The following ABCA8 variants were observed in gnomAD, a reference collection of about 807,000 sequenced individuals.
ABCA8 encodes ABC-type organic anion transporter ABCA8.
Under a neutral mutation model 192.3 loss-of-function variants are expected in ABCA8, and 177 were observed. The ratio of observed to expected loss-of-function variants is 0.92; its 90% CI spans 0.81 to 1.04. The LOEUF (loss-of-function observed/expected upper bound fraction) is 1.04. ABCA8 is among the 50% of genes least tolerant of loss of function. The pLI is 0.00. For synonymous variants in ABCA8, 642 were observed against 690.2 expected, an observed-to-expected ratio of 0.93 and a Z score of 1.09; for missense variants, 1,915 against 1,904.8, an observed-to-expected ratio of 1.01 and a Z score of -0.10.
chr17:68,900,919 C>CATTT (rs2066893299), intron 21 of ABCA8, among the ~76,000 whole-genome samples: 1 of 152,102 alleles, frequency 6.6e-6, no homozygotes, highest in Non-Finnish European at 1.5e-5. Flanking sequence ...AGCCTTCTTG[C>CATTT]ATTTAGAAAC....
Position 68,894,813 on chromosome 17 carries a change from G to A in ABCA8, c.2898+67C>T, listed in dbSNP as rs952386447. 2.0e-5 allele frequency: 29 copies of A among 1,481,428 alleles called. No homozygotes were observed. The East Asian group carries it at 6.7e-4, about 34-fold the overall frequency. 91.8% of individuals were successfully genotyped at this position (1,481,428 alleles called of 1,614,324 possible). A position where few individuals can be genotyped will look rare whatever the true frequency, so the allele number is the denominator to read the frequency against. ...TTCATTTTTATTTCTTAAGTTGGAA[G>A]CCTGAGTATATTGATATTATGTTAG... On this transcript the variant is annotated intron_variant, in intron 22 of 39. Coordinates refer to ENST00000586539, the MANE Select transcript of ABCA8 (RefSeq NM_001288985.2).
intron 1 of ABCA8, among the ~76,000 whole-genome samples, chr17:68,951,911 A>G (rs967168330): frequency 7.9e-5 from 12 of 152,166 alleles, no homozygotes; most frequent in Admixed American, 1.3e-4. Context: ...TTTGTTTTGG[A>G]TGATCTCTCA....
At chr17:68,944,351 T>C (rs905281081) in intron 2 of ABCA8, among the ~76,000 whole-genome samples, 1 of 94,266 alleles carries the variant, frequency 1.1e-5, no homozygotes, top group African/African-American at 3.7e-5. Context: ...TATATATATA[T>C]ATATATATAC....
Position 68,891,577 on chromosome 17 carries a change from AT to A in ABCA8, c.3055del (p.Ile1019SerfsTer13), listed in dbSNP as rs750514406. The A allele has an allele frequency of 1.2e-6, 2 of 1,612,552 alleles. No individual in the cohort carries two copies. Among genetic ancestry groups the A allele is most frequent in the Non-Finnish European group, 1.7e-6 (2 of 1,179,534 alleles). On this transcript the variant is annotated frameshift_variant, in exon 24 of 40. Transcript: ENST00000586539. LOFTEE classifies it high-confidence loss of function. ...TFLENGQDNPIGFLAYIMFWL... is the reference protein window; with the variant it reads ...TFLENGQDNPXGFLAYIMFWL... ...GAACATGATATATGCCAGGAATCCG[AT>A]TGGATTGTCCTGTCCATTCTGAAAA...
intron 16 of ABCA8, among the ~76,000 whole-genome samples, chr17:68,917,823 C>G (rs1280977375): frequency 6.6e-6 from 1 of 152,166 alleles, no homozygotes; most frequent in Non-Finnish European, 1.5e-5. Context: ...AAGCGAGTTT[C>G]CTGGCAGATC....
At chr17:68,940,484 G>T (rs1372603403) in intron 4 of ABCA8, among the ~76,000 whole-genome samples, 1 of 152,014 alleles carries the variant, frequency 6.6e-6, no homozygotes, top group Admixed American at 6.6e-5. Context: ...ATAATTTCAT[G>T]CTTCCTCAAA....
chr17:68,924,778 A>T lies in ABCA8; in HGVS notation c.1365T>A (p.Asp455Glu). ...GAAATGAAGGATCGGCATCCATTTC[A>T]TCTTCAAGGGCCACGTGATCAGTCT... ...TQKTDHVALE[D>E]EMDADPSFHD... Residue 455 changes from aspartate to glutamate, a missense_variant, in exon 11 of 40, where the codon GAT becomes GAA. Asp to Glu is a conservative substitution (Grantham distance 45). Coordinates refer to ENST00000586539, the MANE Select transcript of ABCA8 (RefSeq NM_001288985.2). The T allele has an allele frequency of 6.2e-7, 1 of 1,614,150 alleles. No homozygotes were observed. Among genetic ancestry groups the T allele is most frequent in the African/African-American group, 1.3e-5 (1 of 75,060 alleles).
Position 68,877,646 on chromosome 17 carries a change from G to A in ABCA8, c.4072C>T (p.Leu1358=), listed in dbSNP as rs867608917. ...LLKGSGGGDA[L]EFLGYCPQEN... Reference sequence around the variant, plus strand: ...TGAGGGCAGTACCCCAGGAACTCCAGGGCATCCCCTCCACCGCTCCCTTTC... The same window carrying A: ...TGAGGGCAGTACCCCAGGAACTCCAAGGCATCCCCTCCACCGCTCCCTTTC... The change falls in exon 33 of 40, where the codon CTG becomes TTG. Residue 1358 remains leucine, a synonymous_variant. Coordinates refer to ENST00000586539, the MANE Select transcript of ABCA8 (RefSeq NM_001288985.2). The A allele has an allele frequency of 6.2e-7, 1 of 1,613,636 alleles. No homozygotes were observed. The highest frequency in any genetic ancestry group is 2.2e-5 in the East Asian group (1 of 44,864).
At chr17:68,873,347 A>C (rs569046349) in intron 37 of ABCA8, among the ~76,000 whole-genome samples, 1 of 152,230 alleles carries the variant, frequency 6.6e-6, no homozygotes, top group Non-Finnish European at 1.5e-5. Context: ...AGGTTTGTGT[A>C]AATTCACTCA....
Position 68,936,747 on chromosome 17 carries a change from G to A in ABCA8, c.466+204C>T, listed in dbSNP as rs184444153. Among the ~76,000 whole-genome samples the A allele has an allele frequency of 3.3e-3, 509 of 152,004 alleles. 2 individuals carry two copies. The highest frequency in any genetic ancestry group is 4.2e-3 in the Non-Finnish European group (285 of 67,888). ...TATATAAATATATATCTATGTAAAT[G>A]TATGTAGATAACTATATATAATGAC... On this transcript the variant is annotated intron_variant, in intron 5 of 39. Transcript: ENST00000586539.
In ABCA8 at chr17:68,914,361, G is replaced by C. The variant is rs528455494; in HGVS notation, c.2138+3000C>G. 3.3e-5 allele frequency among the ~76,000 whole-genome samples: 5 copies of C among 152,180 alleles called. No individual in the cohort carries two copies. The East Asian group carries it at 9.6e-4, about 29-fold the overall frequency. On this transcript the variant is annotated intron_variant, in intron 17 of 39. Coordinates refer to ENST00000586539, the MANE Select transcript of ABCA8 (RefSeq NM_001288985.2). ...GAAAGGAAGAAATAAAATCATCCTT[G>C]TGGGCAAATGATATGATCTTATATT...
Position 68,918,043 on chromosome 17 carries a change from T to C in ABCA8, c.2047+4A>G. On this transcript the variant is annotated splice_donor_region_variant and intron_variant, in intron 16 of 39. Coordinates refer to ENST00000586539, the MANE Select transcript of ABCA8 (RefSeq NM_001288985.2). ...CAGGATACTTAACAGAAACCAGTGA[T>C]TACCCGCCAGGATGTCGGCCTCATC... is the stretch of plus-strand genomic sequence containing the variant. 1 of 1,613,984 alleles carries C rather than the reference T, an allele frequency of 6.2e-7. No individual in the cohort carries two copies. Among genetic ancestry groups the C allele is most frequent in the Non-Finnish European group, 8.5e-7 (1 of 1,179,980 alleles).
intron 21 of ABCA8, among the ~76,000 whole-genome samples, chr17:68,896,112 ACT>A (rs1196842127): frequency 2.1e-5 from 3 of 142,204 alleles, no homozygotes; most frequent in Non-Finnish European, 1.5e-5. Flanking sequence ...ATGTGCTGAA[ACT>A]CTCCCTAAAT....
intron 37 of ABCA8, among the ~76,000 whole-genome samples, 183 bp downstream of exon 37, chr17:68,875,077 T>G (rs1475467121): frequency 1.3e-5 from 2 of 152,234 alleles, no homozygotes; most frequent in African/African-American, 4.8e-5. Flanking sequence ...TGGCGCATAG[T>G]GGAACCATGA....
chr17:68,940,062 C>T (rs1224799672), intron 4 of ABCA8, among the ~76,000 whole-genome samples: 1 of 152,042 alleles, frequency 6.6e-6, no homozygotes, highest in African/African-American at 2.4e-5. Context: ...AGTTCTCTTG[C>T]CTTTGTACCA....
chr17:68,946,945 AAGAGAG>A (rs60347168), intron 2 of ABCA8, among the ~76,000 whole-genome samples: 12 of 149,922 alleles, frequency 8.0e-5, no homozygotes, highest in East Asian at 2.0e-4. Context: ...CATCAAAAGA[AAGAGAG>A]AGAGAGAGAG....
At chr17:68,884,245 TA>T in intron 28 of ABCA8, 85 bp downstream of exon 28, 1 of 1,209,814 alleles carries the variant, frequency 8.3e-7, no homozygotes. Context: ...TCTAACTTAA[TA>T]AAAGAAGTTT....
intron 7 of ABCA8, among the ~76,000 whole-genome samples, chr17:68,930,136 C>G (rs2067820706): frequency 6.6e-6 from 1 of 152,164 alleles, no homozygotes; most frequent in Non-Finnish European, 1.5e-5. Context: ...CCACTGAAGA[C>G]TAAATAAGAT....
chr17:68,919,079 A>G (rs893115209), intron 14 of ABCA8, among the ~76,000 whole-genome samples: 5 of 152,122 alleles, frequency 3.3e-5, no homozygotes, highest in Non-Finnish European at 5.9e-5. Flanking sequence ...CACCTATCTC[A>G]TAGGGTTGCT....
Sources: gnomAD v4.1 joint callset for allele counts (sites outside exome capture counted in the v4.1 genomes callset) on GRCh38, gnomAD v4.1.1 for gene constraint, MANE v1.5 for transcripts, NCBI Gene and HGNC (gene_info 2026-07-23, HGNC 2026-07-21) for gene names.